FMN1: variants seen among roughly 807,000 people sequenced by gnomAD.
FMN1 encodes the protein formin 1.
In FMN1, 110 loss-of-function variants were observed where a neutral mutation model predicts 132.4. That is an observed-to-expected ratio of 0.83 (90% CI 0.71 to 0.97). The LOEUF is 0.97. Ranked by LOEUF, FMN1 falls within the 50% of genes least tolerant of loss-of-function variation. The pLI, the probability that FMN1 is intolerant of heterozygous loss-of-function variation, is 0.00. For synonymous variants in FMN1, 722 were observed against 651.7 expected (o/e 1.11, Z -1.64); for missense variants, 1,792 against 1,705.3 (o/e 1.05, Z -0.90).
intron 6 of FMN1, among the ~76,000 whole-genome samples, chr15:33,044,874 G>T (rs529320293): frequency 6.6e-6 from 1 of 152,224 alleles, no homozygotes; most frequent in South Asian, 2.1e-4. Flanking sequence ...CCCTCCACTT[G>T]TCCATATACC....
chr15:32,979,183 A>G (rs1032576248), intron 7 of FMN1, among the ~76,000 whole-genome samples: 1 of 152,126 alleles, frequency 6.6e-6, no homozygotes, highest in African/African-American at 2.4e-5. Flanking sequence ...TTTTCATCAC[A>G]ACAAAGATGG....
intron 6 of FMN1, among the ~76,000 whole-genome samples, chr15:33,034,060 A>C (rs554473511): frequency 6.6e-6 from 1 of 152,188 alleles, no homozygotes; most frequent in Non-Finnish European, 1.5e-5. Flanking sequence ...ATCCAGTCTC[A>C]AAGTTTTAAA....
At chr15:32,841,483 A>G (rs1342375574) in intron 17 of FMN1, among the ~76,000 whole-genome samples, 1 of 152,052 alleles carries the variant, frequency 6.6e-6, no homozygotes, top group Non-Finnish European at 1.5e-5. Context: ...AATATTTTCA[A>G]TGTTGATTTA....
At chr15:32,939,517 G>T (rs2061355671) in intron 9 of FMN1, among the ~76,000 whole-genome samples, 1 of 152,044 alleles carries the variant, frequency 6.6e-6, no homozygotes, top group South Asian at 2.1e-4. Flanking sequence ...TAGAATCATT[G>T]TTAAGTTTCA....
intron 6 of FMN1, among the ~76,000 whole-genome samples, chr15:33,051,718 C>T (rs188140576): frequency 7.2e-5 from 11 of 152,264 alleles, no homozygotes; most frequent in South Asian, 6.2e-4. Flanking sequence ...CAAGTGAGCA[C>T]GTGTACAACT....
At chr15:32,789,765 C>G (rs2057007025) in intron 19 of FMN1, among the ~76,000 whole-genome samples, 1 of 152,202 alleles carries the variant, frequency 6.6e-6, no homozygotes, top group Admixed American at 6.5e-5. Flanking sequence ...GCGCCCTACA[C>G]AGGTGTACCA....
chr15:33,090,376 T>C lies in FMN1; in HGVS notation c.1868-1402A>G, dbSNP rs557592201. On this transcript the variant is annotated intron_variant, in intron 4 of 20. Transcript: ENST00000616417. Reference sequence around the variant, plus strand: ...GCATGCTTATATTAGAGTAGCATTTTAGAAGGAAGAAAATTTGAAAACAGC... The same window carrying C: ...GCATGCTTATATTAGAGTAGCATTTCAGAAGGAAGAAAATTTGAAAACAGC... Among the ~76,000 whole-genome samples the C allele has an allele frequency of 9.7e-4, 148 of 152,336 alleles. No individual in the cohort carries two copies. The Middle Eastern group carries it at 0.034, about 35-fold the overall frequency.
At chr15:33,019,575 G>A (rs1352002825) in intron 6 of FMN1, among the ~76,000 whole-genome samples, 1 of 152,182 alleles carries the variant, frequency 6.6e-6, no homozygotes, top group South Asian at 2.1e-4. Context: ...GAAGCCCGGG[G>A]CGGTGCGAAA....
At chr15:32,983,288 G>A (rs2032825675) in intron 7 of FMN1, among the ~76,000 whole-genome samples, 1 of 152,170 alleles carries the variant, frequency 6.6e-6, no homozygotes, top group Admixed American at 6.5e-5. Flanking sequence ...TGGTTCTATG[G>A]ATATGACGTT....
At position 32,773,534 on chromosome 15, in the gene FMN1, G is replaced by A. The variant is rs971703969; in HGVS notation, c.*776C>T. 6.6e-6 allele frequency: 1 copy of A among 152,196 alleles called. No individual in the cohort carries two copies. The highest frequency in any genetic ancestry group is 6.5e-5 in the Admixed American group (1 of 15,278). 9.4% of individuals were successfully genotyped at this position (152,196 alleles called of 1,614,324 possible). ...GCTCAGGTATTACATTTTCTCCTGGGAGTTGGGGTGCAGAATCTCTGCTGG... is the reference window on the plus strand; with the variant it reads ...GCTCAGGTATTACATTTTCTCCTGGAAGTTGGGGTGCAGAATCTCTGCTGG... On this transcript the variant is annotated 3_prime_UTR_variant, in exon 21 of 21. Coordinates refer to ENST00000616417, the MANE Select transcript of FMN1 (RefSeq NM_001277313.2).
intron 4 of FMN1, among the ~76,000 whole-genome samples, chr15:33,122,387 G>C (rs944596588): frequency 1.3e-5 from 2 of 152,136 alleles, no homozygotes; most frequent in Non-Finnish European, 2.9e-5. Context: ...CTCCCAAAAA[G>C]TACATGCCTG....
At chr15:32,887,877 A>G (rs999113158) in intron 16 of FMN1, among the ~76,000 whole-genome samples, 1 of 152,228 alleles carries the variant, frequency 6.6e-6, no homozygotes, top group Non-Finnish European at 1.5e-5. Flanking sequence ...AGCATCTAGT[A>G]AATGGTTACT....
chr15:32,808,322 TCA>T (rs1427685704), intron 17 of FMN1, among the ~76,000 whole-genome samples: 1 of 152,190 alleles, frequency 6.6e-6, no homozygotes, highest in Non-Finnish European at 1.5e-5. Context: ...CATGAGCCAA[TCA>T]CAGTGTCCTG....
chr15:32,843,867 G>C (rs1284379554), intron 17 of FMN1, among the ~76,000 whole-genome samples: 2 of 152,258 alleles, frequency 1.3e-5, no homozygotes, highest in African/African-American at 2.4e-5. Flanking sequence ...ATTTATAAAA[G>C]CACATGAACT....
chr15:33,181,185 C>A (rs1266402832), intron 2 of FMN1, among the ~76,000 whole-genome samples: 6 of 152,184 alleles, frequency 3.9e-5, no homozygotes, highest in East Asian at 1.9e-4. Context: ...TCACATGAGG[C>A]CACTCCCTTC....
intron 19 of FMN1, among the ~76,000 whole-genome samples, chr15:32,794,233 G>A (rs2057197977): frequency 6.6e-6 from 1 of 152,128 alleles, no homozygotes; most frequent in Admixed American, 6.5e-5. Context: ...TTCCCCTATG[G>A]TGTAAATTAT....
intron 5 of FMN1, chr15:33,066,581 TTCTCATG>T: frequency 6.2e-7 from 1 of 1,612,664 alleles, no homozygotes; most frequent in Non-Finnish European, 8.5e-7. Flanking sequence ...TAGCGACTCC[TTCTCATG>T]TCTCATCTTG....
chr15:32,970,725 T>C (rs755630487), intron 7 of FMN1: 4 of 152,222 alleles, frequency 2.6e-5, no homozygotes, highest in Non-Finnish European at 5.9e-5. Flanking sequence ...GAGATAACTT[T>C]TATACTATGA....
intron 7 of FMN1, among the ~76,000 whole-genome samples, chr15:32,994,055 G>A (rs141445561): frequency 6.6e-6 from 1 of 152,172 alleles, no homozygotes; most frequent in East Asian, 1.9e-4. Flanking sequence ...CTTGCCTCTT[G>A]CCTTTCTCCA....
Sources: allele counts gnomAD v4.1 joint callset (sites outside exome capture counted in the v4.1 genomes callset), GRCh38; gene constraint gnomAD v4.1.1; transcripts MANE v1.5; gene names NCBI Gene and HGNC (gene_info 2026-07-23, HGNC 2026-07-21).